GSE1: variants seen among roughly 807,000 people sequenced by gnomAD.
GSE1 encodes the protein Gse1 coiled-coil protein, also known as genetic suppressor element 1.
In GSE1, 32 loss-of-function variants were observed where a neutral mutation model predicts 112.6. The ratio of observed to expected loss-of-function variants is 0.28; its 90% CI spans 0.21 to 0.38. The LOEUF (loss-of-function observed/expected upper bound fraction) is 0.38, where lower values mean the gene tolerates loss of function less well. Ranked by LOEUF, GSE1 falls within the 10% of genes least tolerant of loss-of-function variation. The probability of loss-of-function intolerance (pLI) is 1.00; values close to 1 mark genes in which losing one functional copy is unlikely to be tolerated. For synonymous variants in GSE1, 1,115 were observed against 735.6 expected, an observed-to-expected ratio of 1.52 and a Z score of -8.35; for missense variants, 2,348 against 1,699.2, an observed-to-expected ratio of 1.38 and a Z score of -6.71.
At chr16:85,611,889 G>A (rs2048008612), upstream of GSE1, among the ~76,000 whole-genome samples, 2 of 151,886 alleles carry the variant, frequency 1.3e-5, no homozygotes. Flanking sequence ...CGGGGGAGGC[G>A]GGCTCGCGGG....
At chr16:85,400,679 G>T (rs2048087093) in intron 2 of GSE1, among the ~76,000 whole-genome samples, 2 of 150,236 alleles carry the variant, frequency 1.3e-5, no homozygotes, top group African/African-American at 4.9e-5. Flanking sequence ...GTGTGTCTCT[G>T]TGTGTTTTTG....
rs1361438194 is a variant in GSE1 at position 85,648,657 on chromosome 16, C to G, written c.332C>G (p.Pro111Arg). 2 of 1,602,340 alleles carry G rather than the reference C, an allele frequency of 1.2e-6. No individual in the cohort carries two copies. Among genetic ancestry groups the G allele is most frequent in the Non-Finnish European group, 1.7e-6 (2 of 1,171,666 alleles). ...GTGCCCATGGGCCCTATCATCGTCC[C>G]CCCTGGGGGCCACAGCGTGCCCAGC... ...KRVPMGPIIVPPGGHSVPSTP... is the reference protein window; with the variant it reads ...KRVPMGPIIVRPGGHSVPSTP... Residue 111 changes from proline (P) to arginine (R), a missense_variant, in exon 3 of 16, where the codon CCC (proline) becomes CGC (arginine). By Grantham distance (103) the Pro-to-Arg change is moderately radical. Coordinates refer to ENST00000253458, the MANE Select transcript of GSE1 (RefSeq NM_014615.5).
rs539673213 is a variant in GSE1, at chr16:85,613,332, A to G, written c.-60A>G. The G allele has an allele frequency of 7.1e-6, 11 of 1,556,556 alleles. No individual in the cohort carries two copies. Among genetic ancestry groups the G allele is most frequent in the African/African-American group, 2.7e-5 (2 of 73,084 alleles). ...CCGGGTGAGATAAGCAGTTTAGACA[A>G]ACACTGGGCGACGGTGGCTCCAGCA... is the stretch of plus-strand genomic sequence containing the variant. On this transcript the variant is annotated 5_prime_UTR_variant, in exon 1 of 16. Coordinates refer to ENST00000253458, the MANE Select transcript of GSE1 (RefSeq NM_014615.5).
At chr16:85,648,483 GT>G (rs1249124023) in intron 2 of GSE1, 68 bp from the exon 3 acceptor site, 8 of 777,568 alleles carry the variant, frequency 1.0e-5, no homozygotes. Flanking sequence ...TGGAGCCCAG[GT>G]CCCCAGCTGG....
At position 85,222,075 on chromosome 16, in the gene GSE1, G is replaced by A. The variant is rs557873937; in HGVS notation, c.2283+50268G>A. The stretch of plus-strand genomic sequence containing the variant: ...TACGCAGGCCCAGGGCCTGGGGAAG[G>A]GGACAGGACACTAGTCCTCTCCCTC... On this transcript the variant is annotated intron_variant, in intron 1 of 2. Transcript: ENST00000637419. Among the ~76,000 whole-genome samples, 15 of 152,228 alleles carry A rather than the reference G, an allele frequency of 9.9e-5. 1 individual carries two copies. The South Asian group carries it at 2.5e-3, about 25-fold the overall frequency.
chr16:85,651,467 C>T (rs550302084), intron 3 of GSE1, among the ~76,000 whole-genome samples: 13 of 152,290 alleles, frequency 8.5e-5, no homozygotes, highest in African/African-American at 2.4e-4. Flanking sequence ...ATCTGGCCTG[C>T]GAGCAGGGCT....
chr16:85,641,967 G>C (rs1173661461), intron 2 of GSE1, among the ~76,000 whole-genome samples: 1 of 152,252 alleles, frequency 6.6e-6, no homozygotes, highest in Admixed American at 6.5e-5. Context: ...GTAGGCGAAA[G>C]TAGAAAGTGG....
chr16:85,575,312 A>C (rs1162561174), intron 1 of GSE1, among the ~76,000 whole-genome samples: 1 of 152,122 alleles, frequency 6.6e-6, no homozygotes, highest in Non-Finnish European at 1.5e-5. Flanking sequence ...ATTTGTGTTT[A>C]CCCGGGGAGT....
At chr16:85,291,772 C>T (rs1233371062) in intron 1 of GSE1, among the ~76,000 whole-genome samples, 2 of 152,222 alleles carry the variant, frequency 1.3e-5, no homozygotes, top group Non-Finnish European at 2.9e-5. Context: ...GAGGCCACCT[C>T]CCAGGCCTCT....
At chr16:85,587,172 C>T (rs546909017) in intron 1 of GSE1, among the ~76,000 whole-genome samples, 7 of 150,096 alleles carry the variant, frequency 4.7e-5, no homozygotes, top group East Asian at 2.0e-4. Flanking sequence ...GACGAAACCC[C>T]CCCCCCCCCA....
At chr16:85,656,788 G>C (rs1201086103) in intron 7 of GSE1, 123 bp downstream of exon 7, 56 of 1,332,208 alleles carry the variant, frequency 4.2e-5, no homozygotes, top group Non-Finnish European at 5.4e-5. Flanking sequence ...CGCCCTAAAA[G>C]CGTGGTGTGG....
intron 1 of GSE1, among the ~76,000 whole-genome samples, chr16:85,625,426 T>G (rs971566372): frequency 4.6e-5 from 7 of 152,130 alleles, no homozygotes; most frequent in African/African-American, 1.7e-4. Context: ...ATCCAGCGCC[T>G]TCTGTGCAGA....
intron 1 of GSE1, among the ~76,000 whole-genome samples, chr16:85,218,876 ATGCGGATTT>A (rs1298055297): frequency 6.6e-6 from 1 of 152,156 alleles, no homozygotes; most frequent in East Asian, 1.9e-4. Context: ...CTGACAGTCC[ATGCGGATTT>A]TTCTTTTTTT....
chr16:85,339,927 A>G (rs547615734), intron 1 of GSE1, among the ~76,000 whole-genome samples: 79 of 152,292 alleles, frequency 5.2e-4, no homozygotes, highest in South Asian at 1.0e-3. Flanking sequence ...AGTGCCAAGA[A>G]CGGTGCTTGG....
At chr16:85,573,014 C>T (rs1024336053) in intron 1 of GSE1, among the ~76,000 whole-genome samples, 4 of 152,098 alleles carry the variant, frequency 2.6e-5, no homozygotes, top group East Asian at 1.9e-4. Context: ...GGATTAGAGG[C>T]GCACGCCACC....
At chr16:85,614,697 T>G (rs1346667742) in intron 1 of GSE1, among the ~76,000 whole-genome samples, 1 of 152,008 alleles carries the variant, frequency 6.6e-6, no homozygotes, top group East Asian at 1.9e-4. Context: ...CGGAGTTGAG[T>G]CGGTTTGGCT....
chr16:85,433,607 GA>G (rs1439449473), intron 2 of GSE1, among the ~76,000 whole-genome samples: 2 of 93,646 alleles, frequency 2.1e-5, no homozygotes, highest in Non-Finnish European at 4.2e-5. Flanking sequence ...TGGATGGATG[GA>G]TGGATGGATG....
intron 1 of GSE1, among the ~76,000 whole-genome samples, chr16:85,344,520 G>A (rs771887792): frequency 6.6e-6 from 1 of 152,030 alleles, no homozygotes; most frequent in Non-Finnish European, 1.5e-5. Flanking sequence ...ACATTTGATG[G>A]GCACCAGGAG....
intron 1 of GSE1, among the ~76,000 whole-genome samples, chr16:85,220,707 T>C (rs2075375924): frequency 6.6e-6 from 1 of 152,210 alleles, no homozygotes; most frequent in South Asian, 2.1e-4. Flanking sequence ...TTTGCCACTC[T>C]CGTGCTCTCT....
Sources: gnomAD v4.1 joint callset for allele counts (sites outside exome capture counted in the v4.1 genomes callset) on GRCh38, gnomAD v4.1.1 for gene constraint, MANE v1.5 for transcripts, NCBI Gene and HGNC (gene_info 2026-07-23, HGNC 2026-07-21) for gene names.